TLK1: variants seen among roughly 807,000 people sequenced by gnomAD.
TLK1 encodes tousled like kinase 1, also known as serine/threonine-protein kinase tousled-like 1.
TLK1 carries 24 observed loss-of-function variants against 105.3 expected under a neutral mutation model. The ratio of observed to expected loss-of-function variants is 0.23; its 90% confidence interval spans 0.17 to 0.32. The LOEUF is 0.32. Ranked by LOEUF, TLK1 falls within the 10% of genes least tolerant of loss-of-function variation. TLK1 has a pLI of 1.00. For synonymous variants in TLK1, 321 were observed against 310.4 expected, an observed-to-expected ratio of 1.03 and a Z score of -0.36; for missense variants, 558 against 910.5, an observed-to-expected ratio of 0.61 and a Z score of 4.98.
chr2:171,009,436 T>C (rs1480105530), intron 14 of TLK1, among the ~76,000 whole-genome samples: 1 of 151,550 alleles, frequency 6.6e-6, no homozygotes, highest in South Asian at 2.1e-4. Context: ...TCCGAGTAGC[T>C]GGAACTACAG....
chr2:171,149,069 T>C (rs958642646), intron 1 of TLK1, among the ~76,000 whole-genome samples: 34 of 147,262 alleles, frequency 2.3e-4, no homozygotes, highest in Non-Finnish European at 1.0e-4. Context: ...ATTATGCAAA[T>C]AGTCATTTTT....
intron 3 of TLK1, among the ~76,000 whole-genome samples, chr2:171,078,793 T>C (rs1688624739): frequency 6.6e-6 from 1 of 152,200 alleles, no homozygotes; most frequent in African/African-American, 2.4e-5. Flanking sequence ...CCTTGAAGGT[T>C]ATAGAGTTTT....
At chr2:171,193,363 T>A (rs77153251) in intron 1 of TLK1, among the ~76,000 whole-genome samples, 1 of 151,854 alleles carries the variant, frequency 6.6e-6, no homozygotes, top group African/African-American at 2.4e-5. Context: ...TGACTGTTAA[T>A]TTTTTTTGTT....
At chr2:171,021,850 A>G (rs1275823646) in intron 12 of TLK1, among the ~76,000 whole-genome samples, 2 of 152,050 alleles carry the variant, frequency 1.3e-5, no homozygotes, top group Non-Finnish European at 2.9e-5. Flanking sequence ...CTGTAATCCC[A>G]GCACTTTGGG....
chr2:171,091,599 A>G (rs1025893735), intron 2 of TLK1: 4 of 152,144 alleles, frequency 2.6e-5, no homozygotes, highest in African/African-American at 9.7e-5. Flanking sequence ...TCCCATACAT[A>G]ATCTTTACCC....
chr2:171,047,712 C>A (rs1687025979), intron 10 of TLK1, among the ~76,000 whole-genome samples: 1 of 151,940 alleles, frequency 6.6e-6, no homozygotes, highest in South Asian at 2.1e-4. Flanking sequence ...CAATAATAAT[C>A]CTAATGATTA....
intron 1 of TLK1, among the ~76,000 whole-genome samples, chr2:171,179,161 A>G (rs563137873): frequency 3.3e-4 from 50 of 152,350 alleles, no homozygotes; most frequent in African/African-American, 1.2e-3. Flanking sequence ...CTGTGATGAC[A>G]AGTACAGTTG....
At chr2:171,011,488 AAC>A (rs756319133) in intron 13 of TLK1, 34 bp from the exon 14 acceptor site, 2 of 1,573,814 alleles carry the variant, frequency 1.3e-6, no homozygotes, top group South Asian at 2.3e-5. Context: ...GACATATTAA[AAC>A]ACACACATAA....
intron 2 of TLK1, among the ~76,000 whole-genome samples, chr2:171,115,029 GAA>G (rs1690349915): frequency 6.6e-6 from 1 of 152,038 alleles, no homozygotes; most frequent in African/African-American, 2.4e-5. Context: ...GTTTGTTATG[GAA>G]ACAATAGAAA....
chr2:171,191,360 A>G (rs970522413), intron 1 of TLK1, among the ~76,000 whole-genome samples: 1 of 149,588 alleles, frequency 6.7e-6, no homozygotes, highest in Non-Finnish European at 1.5e-5. Flanking sequence ...CTTGAGGCCA[A>G]GAGTTCAAGA....
intron 1 of TLK1, among the ~76,000 whole-genome samples, chr2:171,195,501 C>CAAAAAAAA (rs55835853): frequency 3.0e-5 from 2 of 66,306 alleles, no homozygotes; most frequent in Admixed American, 1.8e-4. Flanking sequence ...GACTCTGTCT[C>CAAAAAAAA]AAAAAAAAAA....
chr2:171,065,358 A>C (rs1222375869), intron 3 of TLK1, among the ~76,000 whole-genome samples: 1 of 152,238 alleles, frequency 6.6e-6, no homozygotes, highest in Non-Finnish European at 1.5e-5. Context: ...TAGTTAATAG[A>C]CACAGAATAT....
intron 1 of TLK1, among the ~76,000 whole-genome samples, chr2:171,182,861 G>A (rs1053772295): frequency 1.5e-4 from 23 of 149,620 alleles, no homozygotes; most frequent in African/African-American, 5.2e-4. Context: ...GGTCAAGGAT[G>A]CAGAGAGCTA....
Position 171,160,208 on chromosome 2 carries a change from C to CG in TLK1, c.139+81dup, listed in dbSNP as rs1240737709. 3.9e-4 allele frequency: 437 copies of CG among 1,121,918 alleles called. No homozygotes were observed. Among genetic ancestry groups the CG allele is most frequent in the Middle Eastern group, 1.0e-3 (3 of 2,968 alleles). The allele number at this position is 1,121,918 out of a possible 1,614,324, so 69.5% of individuals were successfully genotyped here. The stretch of plus-strand genomic sequence containing the variant: ...AGGGTCTGGCGGAGAAGCCCCGGGG[C>CG]GGGGGGGGCGGGGGGGGGGCGCGGG... On this transcript the variant is annotated intron_variant, in intron 1 of 20. Transcript: ENST00000431350. The surrounding 1 kb of genome is among the most constrained non-coding windows in gnomAD (Gnocchi z 4.4).
At chr2:171,104,086 G>T (rs1689811831) in intron 2 of TLK1, among the ~76,000 whole-genome samples, 1 of 152,062 alleles carries the variant, frequency 6.6e-6, no homozygotes, top group Non-Finnish European at 1.5e-5. Flanking sequence ...GACCAGCCTG[G>T]CCAGCATGGT....
At chr2:171,060,344 A>T (rs551277947) in intron 4 of TLK1, among the ~76,000 whole-genome samples, 1 of 152,116 alleles carries the variant, frequency 6.6e-6, no homozygotes, top group Non-Finnish European at 1.5e-5. Flanking sequence ...ACAAAATACA[A>T]TACACCTCAG....
At chr2:171,080,936 T>C (rs1449529656) in intron 3 of TLK1, among the ~76,000 whole-genome samples, 6 of 152,236 alleles carry the variant, frequency 3.9e-5, no homozygotes, top group Admixed American at 3.3e-4. Context: ...CTCGAACTCC[T>C]GGTCTCAAGC....
At chr2:171,124,237 T>C (rs928513141) in intron 1 of TLK1, among the ~76,000 whole-genome samples, 1 of 152,206 alleles carries the variant, frequency 6.6e-6, no homozygotes, top group African/African-American at 2.4e-5. Flanking sequence ...AGCCTGAAAT[T>C]ATTTGGGATT....
chr2:171,184,655 A>G (rs1023113376), intron 1 of TLK1, among the ~76,000 whole-genome samples: 21 of 150,074 alleles, frequency 1.4e-4, no homozygotes, highest in African/African-American at 4.6e-4. Flanking sequence ...AAAAAAAAAA[A>G]AAAAGAAAGA....
Sources: gnomAD v4.1 joint callset for allele counts (sites outside exome capture counted in the v4.1 genomes callset) on GRCh38, gnomAD v4.1.1 for gene constraint, Gnocchi (gnomAD v3.1) non-coding constraint, MANE v1.5 for transcripts, NCBI Gene and HGNC (gene_info 2026-07-23, HGNC 2026-07-21) for gene names.